Variants in CALN1 observed in about 807,000 individuals in gnomAD.
CALN1 encodes the protein calneuron 1.
CALN1 carries 17 observed loss-of-function variants against 30.6 expected under a neutral mutation model. The observed-to-expected ratio is 0.56, with a 90% CI of 0.38 to 0.83. CALN1 has a LOEUF of 0.83. CALN1 is among the 40% of genes least tolerant of loss of function. The probability of loss-of-function intolerance (pLI) is 0.00; values close to 1 mark genes in which losing one functional copy is unlikely to be tolerated. For synonymous variants in CALN1, 156 were observed against 131.4 expected, an observed-to-expected ratio of 1.19 and a Z score of -1.28; for missense variants, 291 against 354.9, an observed-to-expected ratio of 0.82 and a Z score of 1.45.
At chr7:72,457,004 C>CTTTTTTTTTTTTTTTT in the CALN1 span, among the ~76,000 whole-genome samples, 1 of 106,606 alleles carries the variant, frequency 9.4e-6, no homozygotes, top group Non-Finnish European at 1.8e-5. Context: ...TTCTTTCTTT[C>CTTTTTTTTTTTTTTTT]TTTTTTTTTT....
intron 5 of CALN1, among the ~76,000 whole-genome samples, chr7:71,831,246 C>T (rs537238001): frequency 3.9e-5 from 6 of 152,178 alleles, no homozygotes; most frequent in Admixed American, 6.5e-5. Flanking sequence ...TTTGGAAGGC[C>T]GAGGCAGGTG....
At chr7:71,824,118 C>T (rs1282596822) in intron 5 of CALN1, among the ~76,000 whole-genome samples, 1 of 152,100 alleles carries the variant, frequency 6.6e-6, no homozygotes, top group Non-Finnish European at 1.5e-5. Context: ...AGGCTGATCT[C>T]GAACTCCTGG....
the CALN1 span, among the ~76,000 whole-genome samples, chr7:72,484,449 G>T: frequency 6.6e-6 from 1 of 152,138 alleles, no homozygotes; most frequent in Non-Finnish European, 1.5e-5. Flanking sequence ...ATTCTGGCTG[G>T]TGGGAACAGG....
chr7:72,282,457 C>T (rs1211232954), intron 2 of CALN1, among the ~76,000 whole-genome samples: 1 of 152,114 alleles, frequency 6.6e-6, no homozygotes, highest in African/African-American at 2.4e-5. Context: ...AGAGATGGAG[C>T]CTTTAGAAGC....
At chr7:72,384,369 T>C (rs931771719) in intron 2 of CALN1, among the ~76,000 whole-genome samples, 3 of 152,128 alleles carry the variant, frequency 2.0e-5, no homozygotes, top group Admixed American at 6.5e-5. Context: ...CTGGAACAAC[T>C]GAATGATCGT....
At chr7:72,428,843 A>G (rs886968339) in intron 1 of CALN1, among the ~76,000 whole-genome samples, 5 of 152,356 alleles carry the variant, frequency 3.3e-5, no homozygotes, top group African/African-American at 1.2e-4. Context: ...TTTAAAAAAT[A>G]CAAATGCTAG....
At chr7:71,978,423 C>G (rs1229749098) in intron 5 of CALN1, among the ~76,000 whole-genome samples, 1 of 151,864 alleles carries the variant, frequency 6.6e-6, no homozygotes, top group Non-Finnish European at 1.5e-5. Flanking sequence ...AGGCACCCCC[C>G]CACCACGCCC....
chr7:72,346,096 G>T lies in CALN1; in HGVS notation c.119+57155C>A, dbSNP rs564983811. On this transcript the variant is annotated intron_variant, in intron 2 of 6. Transcript: ENST00000395275. ...ATAAATTCACCGGTGAATAGCTAAA[G>T]TCTATTTATTCTTAATTTCTTTCTA... is the stretch of plus-strand genomic sequence containing the variant. Among the ~76,000 whole-genome samples, 20 of 152,244 alleles carry T rather than the reference G, an allele frequency of 1.3e-4. 1 individual carries two copies. The South Asian group carries it at 3.7e-3, about 28-fold the overall frequency.
intron 5 of CALN1, among the ~76,000 whole-genome samples, chr7:71,969,413 G>T (rs75491878): frequency 5.3e-5 from 8 of 152,014 alleles, no homozygotes; most frequent in Admixed American, 1.3e-4. Context: ...CTAGATACTT[G>T]TCAGAGACTA....
chr7:72,116,449 C>G (rs1303793121), intron 3 of CALN1, among the ~76,000 whole-genome samples: 1 of 152,092 alleles, frequency 6.6e-6, no homozygotes, highest in African/African-American at 2.4e-5. Flanking sequence ...AGGAAGTATA[C>G]AGGGAGGTGA....
At chr7:72,229,203 C>T (rs1207238990) in intron 3 of CALN1, among the ~76,000 whole-genome samples, 2 of 152,128 alleles carry the variant, frequency 1.3e-5, no homozygotes, top group Admixed American at 1.3e-4. Context: ...GTCCCCAGAA[C>T]CTGTGAATCT....
chr7:71,976,892 C>T (rs970266186), intron 5 of CALN1, among the ~76,000 whole-genome samples: 2 of 152,144 alleles, frequency 1.3e-5, no homozygotes, highest in African/African-American at 4.8e-5. Flanking sequence ...GCAATTTGCA[C>T]GTGCAACCCG....
At chr7:72,218,320 C>T (rs995688016) in intron 3 of CALN1, among the ~76,000 whole-genome samples, 3 of 152,078 alleles carry the variant, frequency 2.0e-5, no homozygotes, top group Middle Eastern at 3.4e-3. Context: ...TGGTGGCATG[C>T]ACCTGTAGTC....
In CALN1 at chr7:72,337,254, C is replaced by T. The variant is rs1235298232; in HGVS notation, c.120-58444G>A. The T allele has an allele frequency of 4.1e-5, 40 of 985,130 alleles. No homozygotes were observed. The East Asian group carries it at 1.9e-3, about 48-fold the overall frequency. The allele number at this position is 985,130 out of a possible 1,614,324, so 61.0% of individuals were successfully genotyped here. A position where few individuals can be genotyped will look rare whatever the true frequency, so the allele number is the denominator to read the frequency against. ...ACCACACTCCTCGCTCTGCCGGCGC[C>T]CGCGTTCAGGAGCCGGGCTTCTGGG... On this transcript the variant is annotated intron_variant, in intron 2 of 6. Coordinates refer to ENST00000395275, the MANE Select transcript of CALN1 (RefSeq NM_031468.4).
Position 72,425,551 on chromosome 7 carries a change from T to G in CALN1, c.-225-13276A>C, listed in dbSNP as rs1807774350. 2.0e-5 allele frequency among the ~76,000 whole-genome samples: 3 copies of G among 152,312 alleles called. No individual in the cohort carries two copies. The South Asian group carries it at 6.2e-4, about 32-fold the overall frequency. On this transcript the variant is annotated intron_variant, in intron 1 of 6. Transcript: ENST00000395276. ...ATCCACGACTGTGAATTTATTCCCA[T>G]CCTGATGGGTTGGCCATTCTTAATT...
chr7:72,431,994 C>T (rs150271527), intron 1 of CALN1, among the ~76,000 whole-genome samples: 4 of 152,196 alleles, frequency 2.6e-5, no homozygotes, highest in Admixed American at 6.5e-5. Flanking sequence ...TGAGACTGTT[C>T]GGGACACTAT....
intron 4 of CALN1, among the ~76,000 whole-genome samples, chr7:72,041,139 G>A (rs1364790120): frequency 6.6e-6 from 1 of 152,080 alleles, no homozygotes; most frequent in Admixed American, 6.5e-5. Context: ...CTACATAAGA[G>A]GCAGGAGACA....
intron 4 of CALN1, among the ~76,000 whole-genome samples, chr7:72,031,239 C>G (rs2129531957): frequency 6.6e-6 from 1 of 152,284 alleles, no homozygotes; most frequent in Non-Finnish European, 1.5e-5. Flanking sequence ...CTATGGCGAC[C>G]AGGTACACAG....
At chr7:72,219,927 T>C (rs1353225425) in intron 3 of CALN1, among the ~76,000 whole-genome samples, 2 of 152,046 alleles carry the variant, frequency 1.3e-5, no homozygotes, top group African/African-American at 4.8e-5. Flanking sequence ...GAAAAACACA[T>C]TGATTAGCCT....
Sources: gnomAD v4.1 joint callset for allele counts (sites outside exome capture counted in the v4.1 genomes callset) on GRCh38, gnomAD v4.1.1 for gene constraint, MANE v1.5 for transcripts, NCBI Gene and HGNC (gene_info 2026-07-23, HGNC 2026-07-21) for gene names.